The following KANK4 variants were observed in gnomAD, a reference collection of about 807,000 sequenced individuals.
The protein encoded by KANK4 is KN motif and ankyrin repeat domain-containing protein 4.
Under a neutral mutation model 80.8 loss-of-function variants are expected in KANK4, and 50 were observed. The observed-to-expected ratio is 0.62, with a 90% CI of 0.49 to 0.78. The LOEUF (loss-of-function observed/expected upper bound fraction) is 0.78, where lower values mean the gene tolerates loss of function less well. KANK4 is among the 30% of genes least tolerant of loss of function. The probability of loss-of-function intolerance (pLI) is 0.00; values close to 1 mark genes in which losing one functional copy is unlikely to be tolerated. For synonymous variants in KANK4, 465 were observed against 506.9 expected, an observed-to-expected ratio of 0.92 and a Z score of 1.11; for missense variants, 1,196 against 1,240.1, an observed-to-expected ratio of 0.96 and a Z score of 0.53.
At chr1:62,252,961 G>GT in intron 8 of KANK4, 106 bp downstream of exon 8, 2 of 1,388,616 alleles carry the variant, frequency 1.4e-6, no homozygotes, top group Non-Finnish European at 2.0e-6. Context: ...GCCTCCTTGG[G>GT]TTAAAAACTA....
Position 62,278,326 on chromosome 1 carries a change from TTCCTTCCTTCCTTC to T in KANK4, c.16+3209_16+3222del, listed in dbSNP as rs1672359990. On this transcript the variant is annotated intron_variant, in intron 2 of 9. Transcript: ENST00000371153. ...TCCTGGGGCACATTTTCTTTCTTCC[TTCCTTCCTTCCTTC>T]CTTCCTTCCTTCCTTCCTTCCTTCC... 4.4e-4 allele frequency among the ~76,000 whole-genome samples: 17 copies of T among 39,068 alleles called. 1 individual carries two copies. The highest frequency in any genetic ancestry group is 1.6e-3 in the South Asian group (2 of 1,268). 25.6% of individuals were successfully genotyped at this position (39,068 alleles called of 152,430 possible).
intron 1 of KANK4, among the ~76,000 whole-genome samples, chr1:62,297,861 A>G (rs1411663314): frequency 2.0e-5 from 3 of 152,242 alleles, no homozygotes; most frequent in Non-Finnish European, 4.4e-5. Context: ...CAGTTGAGTT[A>G]CACAGATATC....
In KANK4 at chr1:62,246,144, A is replaced by G. The variant is rs141221725; in HGVS notation, c.2883+1328T>C. On this transcript the variant is annotated intron_variant, in intron 9 of 9. Coordinates refer to ENST00000371153, the MANE Select transcript of KANK4 (RefSeq NM_181712.5). Reference sequence around the variant, plus strand: ...ATGGTCCATGGCAAATGCTTAGTACAGTACCTGACACAGAGTAAGCCCTCC... The same window carrying G: ...ATGGTCCATGGCAAATGCTTAGTACGGTACCTGACACAGAGTAAGCCCTCC... Among the ~76,000 whole-genome samples, 456 of 152,346 alleles carry G rather than the reference A, an allele frequency of 3.0e-3. 1 individual carries two copies. The highest frequency in any genetic ancestry group is 0.014 in the Middle Eastern group (4 of 294).
rs1358890172 is a variant in KANK4 at position 62,237,425 on chromosome 1, C to T, written c.*852G>A. The T allele has an allele frequency of 6.6e-6, 1 of 152,066 alleles. No homozygotes were observed. The highest frequency in any genetic ancestry group is 1.5e-5 in the Non-Finnish European group (1 of 68,020). 9.4% of individuals were successfully genotyped at this position (152,066 alleles called of 1,614,324 possible). A position where few individuals can be genotyped will look rare whatever the true frequency, so the allele number is the denominator to read the frequency against. On this transcript the variant is annotated 3_prime_UTR_variant, in exon 10 of 10. Coordinates refer to ENST00000371153, the MANE Select transcript of KANK4 (RefSeq NM_181712.5). ...CAGGTGGCTTCTTGATGACAATAAC[C>T]CATCCTCAGGAGGAAGCTTTTTTTT...
chr1:62,301,963 G>T (rs555064825), intron 1 of KANK4, among the ~76,000 whole-genome samples: 1 of 152,116 alleles, frequency 6.6e-6, no homozygotes, highest in East Asian at 1.9e-4. Flanking sequence ...AGTCTGAGGA[G>T]CACCCCTGAA....
At chr1:62,295,286 C>T (rs1189755236) in intron 1 of KANK4, among the ~76,000 whole-genome samples, 6 of 152,144 alleles carry the variant, frequency 3.9e-5, no homozygotes, top group Admixed American at 6.5e-5. Flanking sequence ...GGACTATAGG[C>T]GCCCGCCACA....
In KANK4 at chr1:62,247,658, C is replaced by T. The variant is rs770088489; in HGVS notation, c.2697G>A (p.Ala899=). The part of the protein sequence containing the change: ...NIQATQGGQT[A]LMLGVSHDRE... ...TGTCGTGGCTGACTCCCAGCATCAGCGCAGTCTGGCCTCCCTGCATGCAGA... is the reference window on the plus strand; with the variant it reads ...TGTCGTGGCTGACTCCCAGCATCAGTGCAGTCTGGCCTCCCTGCATGCAGA... The change falls in exon 9 of 10, where the codon GCG becomes GCA. Residue 899 remains alanine (A), a synonymous_variant. Transcript: ENST00000371153. The T allele has an allele frequency of 1.1e-5, 17 of 1,613,510 alleles. No individual in the cohort carries two copies. The highest frequency in any genetic ancestry group is 2.2e-5 in the East Asian group (1 of 44,848).
At chr1:62,261,152 CTT>C (rs11322195) in intron 7 of KANK4, among the ~76,000 whole-genome samples, 798 of 68,306 alleles carry the variant, frequency 0.012, 4 homozygotes, top group African/African-American at 0.034. Context: ...CTCCCAATGG[CTT>C]TTTTTTTTTT....
intron 9 of KANK4, among the ~76,000 whole-genome samples, chr1:62,244,854 C>T (rs1469840694): frequency 6.6e-6 from 1 of 152,184 alleles, no homozygotes; most frequent in East Asian, 1.9e-4. Flanking sequence ...CTGCACCTGG[C>T]CTCATGAGCG....
chr1:62,251,246 G>A (rs553043824), intron 8 of KANK4, among the ~76,000 whole-genome samples: 1 of 152,250 alleles, frequency 6.6e-6, no homozygotes, highest in African/African-American at 2.4e-5. Context: ...TGGGATTTGG[G>A]CAATGCTGAT....
rs1270614858 is a variant in KANK4 at position 62,274,901 on chromosome 1, G to A, written c.203C>T (p.Thr68Ile). 11 of 1,614,108 alleles carry A rather than the reference G, an allele frequency of 6.8e-6. No individual in the cohort carries two copies. Among genetic ancestry groups the A allele is most frequent in the Non-Finnish European group, 9.3e-6 (11 of 1,180,040 alleles). ...AGGAAGGCTGAAGTTTCGGGGCAGA[G>A]TGCTAAATTTGGCCTGCTTGGCCCT... ...HRRAKQAKFS[T>I]LPRNFSLPDS... The change falls in exon 3 of 10, where the codon ACT (threonine) becomes ATT (isoleucine). Residue 68 changes from threonine (T) to isoleucine (I), a missense_variant. Around this residue, in one of 3 missense-constraint regions of KANK4, gnomAD observed 1,154 missense variants for 1,179.6 expected, o/e 0.98. Transcript: ENST00000371153.
chr1:62,239,580 A>AT (rs1320031094), intron 9 of KANK4, among the ~76,000 whole-genome samples: 1 of 152,090 alleles, frequency 6.6e-6, no homozygotes, highest in Non-Finnish European at 1.5e-5. Flanking sequence ...TTTGTTACAC[A>AT]TGTATATATG....
At position 62,238,159 on chromosome 1, in the gene KANK4, CAT is replaced by C; in HGVS notation, c.*116_*117del. ...AACAGGAATGTATGTGCATATTTGA[CAT>C]AGTTTCTTCTCTAGAAGGGTGGCTC... is the stretch of plus-strand genomic sequence containing the variant. On this transcript the variant is annotated 3_prime_UTR_variant, in exon 10 of 10. Coordinates refer to ENST00000371153, the MANE Select transcript of KANK4 (RefSeq NM_181712.5). 1 of 645,502 alleles carries C rather than the reference CAT, an allele frequency of 1.5e-6. No homozygotes were observed. Among genetic ancestry groups the C allele is most frequent in the Non-Finnish European group, 2.7e-6 (1 of 366,088 alleles). 40.0% of individuals were successfully genotyped at this position (645,502 alleles called of 1,614,324 possible).
At chr1:62,283,542 G>A (rs1672496655) in intron 1 of KANK4, among the ~76,000 whole-genome samples, 1 of 152,142 alleles carries the variant, frequency 6.6e-6, no homozygotes, top group African/African-American at 2.4e-5. Context: ...CTGACACTAT[G>A]ACTGATCTTT....
chr1:62,248,806 A>G (rs1378866845), intron 8 of KANK4, among the ~76,000 whole-genome samples: 1 of 149,082 alleles, frequency 6.7e-6, no homozygotes, highest in Non-Finnish European at 1.5e-5. Flanking sequence ...TGGCCTCCCA[A>G]TGTGCTGGGA....
At chr1:62,249,733 G>C (rs994633062) in intron 8 of KANK4, among the ~76,000 whole-genome samples, 1 of 151,914 alleles carries the variant, frequency 6.6e-6, no homozygotes, top group African/African-American at 2.4e-5. Context: ...AGTAGAGACG[G>C]GGTTTCACCA....
In KANK4 at chr1:62,273,689, A is replaced by C; in HGVS notation, c.1415T>G (p.Val472Gly). The C allele has an allele frequency of 6.2e-7, 1 of 1,614,122 alleles. No homozygotes were observed. Among genetic ancestry groups the C allele is most frequent in the Non-Finnish European group, 8.5e-7 (1 of 1,180,000 alleles). The part of the protein sequence containing the change: ...KQGNQSPAER[V>G]LLPQLSLPQG... The stretch of plus-strand genomic sequence containing the variant: ...TGGCAGTGACAGCTGGGGCAGAAGC[A>C]CACGTTCTGCTGGGCTCTGATTCCC... Residue 472 changes from valine to glycine, a missense_variant, in exon 3 of 10, where the codon GTG (valine) becomes GGG (glycine). Physicochemically the swap from Val to Gly is moderately radical, Grantham distance 109 (BLOSUM62 -3). Around this residue, in one of 3 missense-constraint regions of KANK4, gnomAD observed 1,154 missense variants for 1,179.6 expected, o/e 0.98. Coordinates refer to ENST00000371153, the MANE Select transcript of KANK4 (RefSeq NM_181712.5).
intron 7 of KANK4, among the ~76,000 whole-genome samples, chr1:62,256,302 T>C (rs948346009): frequency 1.3e-5 from 2 of 152,144 alleles, no homozygotes; most frequent in African/African-American, 2.4e-5. Context: ...ATGAAAAAAA[T>C]GTCAATTAGT....
intron 9 of KANK4, among the ~76,000 whole-genome samples, chr1:62,242,919 T>C (rs1671377990): frequency 1.3e-5 from 2 of 152,182 alleles, no homozygotes; most frequent in African/African-American, 4.8e-5. Context: ...CCCACTGAAA[T>C]GTCTCACCCT....
Sources: gnomAD v4.1 joint callset for allele counts (sites outside exome capture counted in the v4.1 genomes callset) on GRCh38, gnomAD v4.1.1 for gene constraint, gnomAD v4.1.1 regional missense constraint, MANE v1.5 for transcripts, NCBI Gene and HGNC (gene_info 2026-07-23, HGNC 2026-07-21) for gene names.